The following COL4A2 variants were observed in gnomAD, a reference collection of about 807,000 sequenced individuals.
The protein encoded by COL4A2 is collagen alpha-2(IV) chain.
Under a neutral mutation model 200.2 loss-of-function variants are expected in COL4A2, and 99 were observed. That is an observed-to-expected ratio of 0.49 (90% CI 0.42 to 0.58). The LOEUF is 0.58. COL4A2 is among the 20% of genes least tolerant of loss of function. The pLI, the probability that COL4A2 is intolerant of heterozygous loss-of-function variation, is 0.00. For synonymous variants in COL4A2, 897 were observed against 900.6 expected (o/e 1.00, Z 0.07); for missense variants, 1,950 against 2,314.1 (o/e 0.84, Z 3.23).
chr13:110,325,347 A>G (rs889932764), intron 3 of COL4A2, among the ~76,000 whole-genome samples: 7 of 152,198 alleles, frequency 4.6e-5, no homozygotes, highest in Non-Finnish European at 8.8e-5. Flanking sequence ...TGTTAAAGGC[A>G]GCCCTGTTTC....
chr13:110,380,487 G>A (rs1878420584), intron 4 of COL4A2, among the ~76,000 whole-genome samples: 3 of 152,112 alleles, frequency 2.0e-5, no homozygotes, highest in East Asian at 1.9e-4. Flanking sequence ...ATTTGTATAC[G>A]TGCTGACTCA....
chr13:110,388,667 G>A (rs930389797), intron 4 of COL4A2, among the ~76,000 whole-genome samples: 7 of 152,136 alleles, frequency 4.6e-5, no homozygotes, highest in African/African-American at 9.7e-5. Flanking sequence ...TCACATATAC[G>A]AGGGTTTGAT....
intron 10 of COL4A2, among the ~76,000 whole-genome samples, chr13:110,431,065 C>T (rs1308004078): frequency 6.6e-6 from 1 of 152,190 alleles, no homozygotes; most frequent in Non-Finnish European, 1.5e-5. Context: ...CCCTAGAGGG[C>T]TCATTGCAAG....
At position 110,485,771 on chromosome 13, in the gene COL4A2, C is replaced by T. The variant is rs759176184; in HGVS notation, c.3142C>T (p.Pro1048Ser). 1 of 1,613,904 alleles carries T rather than the reference C, an allele frequency of 6.2e-7. No individual in the cohort carries two copies. The highest frequency in any genetic ancestry group is 1.1e-5 in the South Asian group (1 of 91,086). ...CGGAGTCCCCGGCATCCCCGGTTTG[C>T]CAGGATTCCCTGGGGTGGCTGGCCC... The part of the protein sequence containing the change: ...DIGVPGIPGL[P>S]GFPGVAGPPG... The change falls in exon 34 of 48, where the codon CCA becomes TCA. Residue 1048 changes from proline to serine, a missense_variant. This residue lies in a region of COL4A2 where 1,385 missense variants were observed against 1,720.5 expected (regional missense o/e 0.80). Transcript: ENST00000360467.
chr13:110,381,325 A>G (rs1878483814), intron 4 of COL4A2, among the ~76,000 whole-genome samples: 1 of 152,074 alleles, frequency 6.6e-6, no homozygotes, highest in East Asian at 1.9e-4. Flanking sequence ...TCTCACACCC[A>G]CGGGGCTCTC....
At chr13:110,431,210 A>G (rs1880669270) in intron 10 of COL4A2, among the ~76,000 whole-genome samples, 1 of 152,182 alleles carries the variant, frequency 6.6e-6, no homozygotes, top group Non-Finnish European at 1.5e-5. Context: ...ATATGTTAGT[A>G]ATCAGATAAA....
chr13:110,507,596 A>G (rs1206757017), intron 46 of COL4A2: 1 of 346,054 alleles, frequency 2.9e-6, no homozygotes, highest in Non-Finnish European at 5.3e-6. Flanking sequence ...GGAGGCCATC[A>G]GAGTTTTCTT....
chr13:110,447,940 C>T (rs1881393150), intron 18 of COL4A2, among the ~76,000 whole-genome samples: 1 of 152,186 alleles, frequency 6.6e-6, no homozygotes, highest in Admixed American at 6.5e-5. Context: ...TGCATGTCTT[C>T]ATCCAATGCT....
Position 110,307,722 on chromosome 13 carries a change from G to A in COL4A2, c.-44-138G>A, listed in dbSNP as rs1031437624. On this transcript the variant is annotated intron_variant, in intron 1 of 47. Transcript: ENST00000360467. The surrounding 1 kb of genome is among the most constrained non-coding windows in gnomAD (Gnocchi z 5.0). ...GAGGCTCTCCTTCTTTCCGGGTCGT[G>A]GGGGGGACGGCCCTCCGGTCACCCC... 1.3e-6 allele frequency: 1 copy of A among 764,396 alleles called. No homozygotes were observed. Among genetic ancestry groups the A allele is most frequent in the Non-Finnish European group, 2.0e-6 (1 of 490,086 alleles). The allele number at this position is 764,396 out of a possible 1,614,324, so 47.4% of individuals were successfully genotyped here.
intron 27 of COL4A2, chr13:110,468,299 T>G (rs1447167504): frequency 4.2e-6 from 2 of 471,274 alleles, no homozygotes; most frequent in African/African-American, 2.0e-5. Context: ...ATCTTCCGCG[T>G]TCCATTAGAC....
chr13:110,446,177 C>T (rs943112695), intron 17 of COL4A2, among the ~76,000 whole-genome samples: 3 of 152,104 alleles, frequency 2.0e-5, no homozygotes, highest in Non-Finnish European at 2.9e-5. Flanking sequence ...CAAGAGGGTG[C>T]GGTGCCCCTG....
intron 32 of COL4A2, among the ~76,000 whole-genome samples, chr13:110,484,668 A>T (rs1480304675): frequency 6.6e-6 from 1 of 151,864 alleles, no homozygotes; most frequent in East Asian, 1.9e-4. Context: ...ACGTCCCCCT[A>T]CTGTGGTGCT....
intron 3 of COL4A2, among the ~76,000 whole-genome samples, chr13:110,352,575 C>T (rs1339826884): frequency 6.6e-6 from 1 of 152,198 alleles, no homozygotes; most frequent in Non-Finnish European, 1.5e-5. Context: ...AAAGTGAAAG[C>T]GTGGATGAAG....
chr13:110,468,896 A>C (rs1000735671), intron 27 of COL4A2, among the ~76,000 whole-genome samples: 1 of 152,202 alleles, frequency 6.6e-6, no homozygotes, highest in Non-Finnish European at 1.5e-5. Context: ...AGGCACAGAA[A>C]GTTGTCCACG....
chr13:110,317,160 GCA>G (rs552134417), intron 3 of COL4A2, among the ~76,000 whole-genome samples: 265 of 139,850 alleles, frequency 1.9e-3, no homozygotes, highest in Non-Finnish European at 3.3e-3. Context: ...ACACACAGAT[GCA>G]CACACACATG....
chr13:110,510,995 AG>A (rs1437783431), intron 47 of COL4A2, among the ~76,000 whole-genome samples: 5 of 152,180 alleles, frequency 3.3e-5, no homozygotes, highest in African/African-American at 1.2e-4. Flanking sequence ...TTGTATTTAA[AG>A]GAAAGCTTAA....
chr13:110,334,908 G>A (rs924732591), intron 3 of COL4A2, among the ~76,000 whole-genome samples: 10 of 152,178 alleles, frequency 6.6e-5, no homozygotes, highest in African/African-American at 1.9e-4. Flanking sequence ...TTCAGCCCTC[G>A]GTCTGATTCA....
chr13:110,504,497 G>C (rs745379763), intron 45 of COL4A2, among the ~76,000 whole-genome samples: 2 of 152,252 alleles, frequency 1.3e-5, no homozygotes, highest in African/African-American at 2.4e-5. Flanking sequence ...CTGCGGTGCT[G>C]TGGAGTGGGC....
intron 41 of COL4A2, 30 bp downstream of exon 41, chr13:110,501,814 A>G: frequency 5.6e-6 from 9 of 1,595,862 alleles, no homozygotes; most frequent in Non-Finnish European, 7.7e-6. Context: ...CTGTGCTTCG[A>G]CATCTCTAGG....
Sources: gnomAD v4.1 joint callset for allele counts (sites outside exome capture counted in the v4.1 genomes callset) on GRCh38, gnomAD v4.1.1 for gene constraint, gnomAD v4.1.1 regional missense constraint, Gnocchi (gnomAD v3.1) non-coding constraint, MANE v1.5 for transcripts, NCBI Gene and HGNC (gene_info 2026-07-23, HGNC 2026-07-21) for gene names.